Variants in CSMD1 observed in about 807,000 individuals in gnomAD.
CSMD1 encodes the protein CUB and sushi domain-containing protein 1.
A neutral mutation model predicts 417.5 loss-of-function variants in CSMD1; 213 were observed. The observed-to-expected ratio is 0.51, with a 90% CI of 0.46 to 0.57. The LOEUF (loss-of-function observed/expected upper bound fraction) is 0.57. Ranked by LOEUF, CSMD1 falls within the 20% of genes least tolerant of loss-of-function variation. The pLI is 0.00. For synonymous variants in CSMD1, 2,862 were observed against 1,736.8 expected, an observed-to-expected ratio of 1.65 and a Z score of -16.11; for missense variants, 6,923 against 4,529.7, an observed-to-expected ratio of 1.53 and a Z score of -15.17.
At chr8:3,615,713 C>T (rs1294114592) in intron 8 of CSMD1, among the ~76,000 whole-genome samples, 2 of 152,162 alleles carry the variant, frequency 1.3e-5, no homozygotes, top group Non-Finnish European at 2.9e-5. Context: ...TACTTTTCTT[C>T]CATTTGTAGC....
chr8:4,777,433 G>T (rs991366706), intron 1 of CSMD1, among the ~76,000 whole-genome samples: 1 of 152,074 alleles, frequency 6.6e-6, no homozygotes, highest in Non-Finnish European at 1.5e-5. Flanking sequence ...TTCTCCCTTA[G>T]GTCACAATTG....
At chr8:4,640,283 C>A (rs913384572) in intron 1 of CSMD1, among the ~76,000 whole-genome samples, 1 of 152,168 alleles carries the variant, frequency 6.6e-6, no homozygotes, top group African/African-American at 2.4e-5. Context: ...TGAATATCAT[C>A]GTTGGCTGTC....
At chr8:3,656,653 C>T (rs1461332358) in intron 7 of CSMD1, among the ~76,000 whole-genome samples, 1 of 152,168 alleles carries the variant, frequency 6.6e-6, no homozygotes, top group African/African-American at 2.4e-5. Flanking sequence ...TTAGGCCAGG[C>T]GTGGTGGCTC....
At chr8:4,601,656 C>A (rs566195279) in intron 2 of CSMD1, among the ~76,000 whole-genome samples, 21 of 152,258 alleles carry the variant, frequency 1.4e-4, no homozygotes, top group African/African-American at 4.1e-4. Flanking sequence ...CTCATTTTTG[C>A]AATTATTTCT....
intron 5 of CSMD1, among the ~76,000 whole-genome samples, chr8:3,811,572 G>C (rs980020438): frequency 6.6e-6 from 1 of 152,062 alleles, no homozygotes; most frequent in Non-Finnish European, 1.5e-5. Flanking sequence ...CACATCCTCG[G>C]TCAAGGCCAT....
At chr8:4,905,664 A>G (rs892042486) in intron 1 of CSMD1, among the ~76,000 whole-genome samples, 6 of 144,702 alleles carry the variant, frequency 4.1e-5, no homozygotes, top group Non-Finnish European at 7.9e-5. Context: ...CTAAAACTAC[A>G]AAAAAATTAG....
intron 1 of CSMD1, among the ~76,000 whole-genome samples, chr8:4,801,339 A>G (rs1047009002): frequency 3.3e-5 from 5 of 152,152 alleles, no homozygotes; most frequent in African/African-American, 1.2e-4. Context: ...TGTGAGCTAT[A>G]AATTGCTGCT....
intron 3 of CSMD1, among the ~76,000 whole-genome samples, chr8:4,050,105 T>G (rs531932569): frequency 6.6e-6 from 1 of 152,256 alleles, no homozygotes; most frequent in African/African-American, 2.4e-5. Flanking sequence ...TGTGGGTTGT[T>G]GGGAAGATCA....
At chr8:4,262,772 T>C (rs1051633623) in intron 3 of CSMD1, among the ~76,000 whole-genome samples, 3 of 152,178 alleles carry the variant, frequency 2.0e-5, no homozygotes, top group Non-Finnish European at 4.4e-5. Context: ...AACTCAGCTA[T>C]GGAGAGGAAG....
intron 2 of CSMD1, among the ~76,000 whole-genome samples, chr8:4,457,724 A>G (rs1799573158): frequency 6.6e-6 from 1 of 152,110 alleles, no homozygotes; most frequent in Non-Finnish European, 1.5e-5. Context: ...CCGGTCCTTC[A>G]TGTGCTCCTC....
intron 23 of CSMD1, among the ~76,000 whole-genome samples, chr8:3,308,883 C>T (rs1160733563): frequency 1.3e-5 from 2 of 151,964 alleles, no homozygotes; most frequent in East Asian, 3.9e-4. Flanking sequence ...GCCACCATGT[C>T]CAGCTAATTT....
chr8:3,506,735 G>C (rs1327224265), intron 10 of CSMD1, among the ~76,000 whole-genome samples: 1 of 152,204 alleles, frequency 6.6e-6, no homozygotes, highest in Non-Finnish European at 1.5e-5. Context: ...TGACTGTATA[G>C]GAGATTTCGA....
chr8:3,982,160 A>AAATAATAATCATAAT (rs1554506331), intron 5 of CSMD1, among the ~76,000 whole-genome samples: 4 of 89,526 alleles, frequency 4.5e-5, no homozygotes, highest in African/African-American at 1.8e-4. Flanking sequence ...TCTATCTCAA[A>AAATAATAATCATAAT]AATAATAATA....
chr8:3,523,740 C>T (rs1286172883), intron 10 of CSMD1, among the ~76,000 whole-genome samples: 15 of 151,546 alleles, frequency 9.9e-5, no homozygotes, highest in Admixed American at 9.8e-4. Context: ...CTCAGAGACA[C>T]ATGCATACAC....
chr8:3,385,604 A>C (rs1810958594), intron 18 of CSMD1, among the ~76,000 whole-genome samples: 1 of 152,188 alleles, frequency 6.6e-6, no homozygotes, highest in Non-Finnish European at 1.5e-5. Context: ...GGAATTTTAT[A>C]AGAGTTTACT....
At chr8:3,834,755 T>C (rs1284687939) in intron 5 of CSMD1, among the ~76,000 whole-genome samples, 1 of 151,848 alleles carries the variant, frequency 6.6e-6, no homozygotes. Context: ...GGAGCCAAGA[T>C]GGCGGAATAG....
intron 10 of CSMD1, among the ~76,000 whole-genome samples, chr8:3,545,848 C>T (rs1204770342): frequency 6.6e-6 from 1 of 152,136 alleles, no homozygotes; most frequent in African/African-American, 2.4e-5. Context: ...CTATTGGCCA[C>T]AAAAAGCAAA....
intron 4 of CSMD1, among the ~76,000 whole-genome samples, chr8:4,020,166 C>T (rs905896697): frequency 2.6e-5 from 4 of 152,082 alleles, no homozygotes; most frequent in Non-Finnish European, 5.9e-5. Context: ...ATCTTTACAA[C>T]AGATTTCTCA....
chr8:4,320,804 C>T (rs1030093782), intron 3 of CSMD1, among the ~76,000 whole-genome samples: 8 of 152,034 alleles, frequency 5.3e-5, no homozygotes, highest in African/African-American at 1.9e-4. Flanking sequence ...AGAACTAGAC[C>T]TACCATTTGA....
Sources: allele counts gnomAD v4.1 joint callset (sites outside exome capture counted in the v4.1 genomes callset), GRCh38; gene constraint gnomAD v4.1.1; transcripts MANE v1.5; gene names NCBI Gene and HGNC (gene_info 2026-07-23, HGNC 2026-07-21).